Variants in IQCM observed in about 807,000 individuals in gnomAD.
The protein encoded by IQCM is IQ motif containing M, also known as IQ domain-containing protein M.
Under a neutral mutation model 57.6 loss-of-function variants are expected in IQCM, and 45 were observed. That is an observed-to-expected ratio of 0.78 (90% CI 0.62 to 1.00). The LOEUF (loss-of-function observed/expected upper bound fraction) is 1.00. Among genes scored for constraint, IQCM ranks in the 50% least tolerant of loss-of-function variants. IQCM has a pLI of 0.00. For synonymous variants in IQCM, 148 were observed against 158.9 expected, an observed-to-expected ratio of 0.93 and a Z score of 0.51; for missense variants, 468 against 511.6, an observed-to-expected ratio of 0.91 and a Z score of 0.82.
intron 8 of IQCM, among the ~76,000 whole-genome samples, chr4:149,606,962 A>G (rs180785564): frequency 6.6e-6 from 1 of 152,286 alleles, no homozygotes; most frequent in East Asian, 1.9e-4. Flanking sequence ...TAAAGAAGAT[A>G]TAGACACAGA....
At chr4:149,359,883 AT>A (rs1221716122) in intron 13 of IQCM, among the ~76,000 whole-genome samples, 1 of 152,194 alleles carries the variant, frequency 6.6e-6, no homozygotes, top group East Asian at 1.9e-4. Flanking sequence ...TAAAATAAGC[AT>A]TTAGGTCATT....
chr4:149,761,462 A>G (rs986731879), intron 2 of IQCM, among the ~76,000 whole-genome samples: 4 of 152,042 alleles, frequency 2.6e-5, no homozygotes, highest in Non-Finnish European at 5.9e-5. Context: ...GATTTTCTTT[A>G]GAGGAACATA....
At chr4:149,660,667 T>G (rs1015988605) in intron 7 of IQCM, among the ~76,000 whole-genome samples, 8 of 151,998 alleles carry the variant, frequency 5.3e-5, no homozygotes, top group African/African-American at 1.9e-4. Flanking sequence ...AAAGGATGAG[T>G]TCATGTCCTT....
Position 149,563,730 on chromosome 4 carries a change from A to C in IQCM, c.910T>G (p.Trp304Gly). 2.4e-6 allele frequency: 3 copies of C among 1,232,048 alleles called. No homozygotes were observed. Among genetic ancestry groups the C allele is most frequent in the Non-Finnish European group, 2.0e-6 (2 of 987,936 alleles). The allele number at this position is 1,232,048 out of a possible 1,614,324, so 76.3% of individuals were successfully genotyped here. A position where few individuals can be genotyped will look rare whatever the true frequency, so the allele number is the denominator to read the frequency against. ...VTVMQAHVRG[W>G]LERKRLQRVM... Reference sequence around the variant, plus strand: ...CTTTGCAATCTTTTCCGTTCAAGCCATCCCCTGACATGTGCCTGCATGACG... The same window carrying C: ...CTTTGCAATCTTTTCCGTTCAAGCCCTCCCCTGACATGTGCCTGCATGACG... Residue 304 changes from tryptophan (W) to glycine (G), a missense_variant, in exon 10 of 14, where the codon TGG becomes GGG. Physicochemically the swap from Trp to Gly is radical, Grantham distance 184. Coordinates refer to ENST00000636793, the MANE Select transcript of IQCM (RefSeq NM_001363507.2).
chr4:149,552,401 G>C (rs1749126162), intron 11 of IQCM, among the ~76,000 whole-genome samples: 1 of 152,042 alleles, frequency 6.6e-6, no homozygotes, highest in South Asian at 2.1e-4. Context: ...TAACTTACTT[G>C]TGTCATTTTT....
chr4:149,383,692 G>A (rs1010829688), intron 13 of IQCM, among the ~76,000 whole-genome samples: 11 of 152,214 alleles, frequency 7.2e-5, no homozygotes, highest in South Asian at 2.1e-4. Flanking sequence ...GGTGGCTTAC[G>A]TCTGTAATCC....
chr4:149,795,065 T>C (rs1772990213), intron 2 of IQCM, among the ~76,000 whole-genome samples: 2 of 152,204 alleles, frequency 1.3e-5, no homozygotes, highest in Admixed American at 1.3e-4. Context: ...TAAAAAGAAC[T>C]AAAGGGAAAT....
chr4:149,553,173 C>A lies in IQCM; in HGVS notation c.1063G>T (p.Glu355Ter), dbSNP rs1030108516. The change falls in exon 11 of 14, where the codon GAG becomes TAG. Residue 355 changes from glutamate to a stop codon, truncating the protein, a stop_gained. Coordinates refer to ENST00000636793, the MANE Select transcript of IQCM (RefSeq NM_001363507.2). LOFTEE classifies it high-confidence loss of function. ...WRTRQILNLA[E>*]LEEWMDRKKF... ...TTTCGGTCCATCCACTCCTCTAGCT[C>A]TGCTAAGTTGAGAATTTGTCTTGTC... The A allele has an allele frequency of 6.5e-6, 8 of 1,231,888 alleles. No homozygotes were observed. The highest frequency in any genetic ancestry group is 8.1e-6 in the Non-Finnish European group (8 of 987,886). The allele number at this position is 1,231,888 out of a possible 1,614,324, so 76.3% of individuals were successfully genotyped here. A position where few individuals can be genotyped will look rare whatever the true frequency, so the allele number is the denominator to read the frequency against.
At chr4:149,613,515 G>T (rs925498228) in intron 8 of IQCM, among the ~76,000 whole-genome samples, 1 of 151,754 alleles carries the variant, frequency 6.6e-6, no homozygotes, top group Middle Eastern at 3.4e-3. Context: ...CCATTCTATG[G>T]TCAAAATTAA....
chr4:149,812,752 A>G (rs1158652424), intron 2 of IQCM, among the ~76,000 whole-genome samples: 1 of 152,170 alleles, frequency 6.6e-6, no homozygotes, highest in Non-Finnish European at 1.5e-5. Context: ...AAATGCAAAG[A>G]GAAGGAACTA....
At chr4:149,707,972 G>A (rs941891577) in intron 5 of IQCM, among the ~76,000 whole-genome samples, 2 of 151,962 alleles carry the variant, frequency 1.3e-5, no homozygotes, top group African/African-American at 4.8e-5. Context: ...GACAATTTGT[G>A]TGATGTTTGC....
At chr4:149,703,955 T>C (rs933325479) in intron 5 of IQCM, among the ~76,000 whole-genome samples, 54 of 151,990 alleles carry the variant, frequency 3.6e-4, no homozygotes, top group African/African-American at 1.3e-3. Context: ...TTCCTTTCAC[T>C]TATACAAGCA....
chr4:149,378,179 T>C (rs1730824388), intron 13 of IQCM, among the ~76,000 whole-genome samples: 2 of 152,016 alleles, frequency 1.3e-5, no homozygotes, highest in African/African-American at 4.8e-5. Flanking sequence ...GAACTGTGAG[T>C]CCATTAAAGG....
At chr4:149,446,987 G>A (rs1345498817) in intron 12 of IQCM, among the ~76,000 whole-genome samples, 1 of 151,480 alleles carries the variant, frequency 6.6e-6, no homozygotes, top group East Asian at 1.9e-4. Flanking sequence ...TTAGGTAATA[G>A]GGATAAAAAG....
At chr4:149,572,723 C>T (rs1355677328) in intron 9 of IQCM, among the ~76,000 whole-genome samples, 1 of 151,886 alleles carries the variant, frequency 6.6e-6, no homozygotes, top group African/African-American at 2.4e-5. Flanking sequence ...TTAAAACACA[C>T]ACCTGGCAAA....
intron 13 of IQCM, among the ~76,000 whole-genome samples, chr4:149,357,276 C>T (rs964751867): frequency 1.2e-4 from 18 of 152,256 alleles, no homozygotes; most frequent in Non-Finnish European, 2.4e-4. Context: ...GAACTTCCAA[C>T]ACTATGTTGA....
At chr4:149,574,337 A>G (rs1751446428) in intron 9 of IQCM, among the ~76,000 whole-genome samples, 2 of 151,980 alleles carry the variant, frequency 1.3e-5, no homozygotes, top group African/African-American at 4.8e-5. Context: ...CAACTCTTAA[A>G]AAATCCTCAT....
chr4:149,482,050 G>T (rs1740961851), intron 12 of IQCM, among the ~76,000 whole-genome samples: 1 of 151,442 alleles, frequency 6.6e-6, no homozygotes, highest in East Asian at 1.9e-4. Context: ...TATTATAAAT[G>T]GAATTGCTTT....
intron 12 of IQCM, among the ~76,000 whole-genome samples, chr4:149,543,533 T>C (rs990235805): frequency 2.8e-5 from 4 of 142,686 alleles, no homozygotes; most frequent in Non-Finnish European, 6.0e-5. Flanking sequence ...ACAAAGGACA[T>C]GAACTCATCA....
Sources: allele counts gnomAD v4.1 joint callset (sites outside exome capture counted in the v4.1 genomes callset), GRCh38; gene constraint gnomAD v4.1.1; transcripts MANE v1.5; gene names NCBI Gene and HGNC (gene_info 2026-07-23, HGNC 2026-07-21).